The following MAEA variants were observed in gnomAD, a reference collection of about 807,000 sequenced individuals.
The protein encoded by MAEA is macrophage erythroblast attacher, E3 ubiquitin ligase.
In MAEA, 22 loss-of-function variants were observed where a neutral mutation model predicts 46.2. That is an observed-to-expected ratio of 0.48 (90% CI 0.34 to 0.68). MAEA has a LOEUF of 0.68. MAEA is among the 30% of genes least tolerant of loss of function. The probability of loss-of-function intolerance (pLI) is 0.01; values close to 1 mark genes in which losing one functional copy is unlikely to be tolerated. For synonymous variants in MAEA, 246 were observed against 222.6 expected, an observed-to-expected ratio of 1.11 and a Z score of -0.94; for missense variants, 393 against 558.1, an observed-to-expected ratio of 0.70 and a Z score of 2.98.
intron 5 of MAEA, 140 bp from the exon 6 acceptor site, chr4:1,332,617 T>G: frequency 1.7e-6 from 1 of 599,934 alleles, no homozygotes; most frequent in South Asian, 2.0e-5. Flanking sequence ...CTCGGGAAGA[T>G]CGCCTGAGCC....
chr4:1,325,121 G>T (rs997252354), intron 4 of MAEA, among the ~76,000 whole-genome samples: 1 of 152,190 alleles, frequency 6.6e-6, no homozygotes, highest in African/African-American at 2.4e-5. Flanking sequence ...GCACGCCAGG[G>T]GGTGTGTGGG....
chr4:1,313,453 G>T (rs540032979), intron 2 of MAEA, among the ~76,000 whole-genome samples: 88 of 152,294 alleles, frequency 5.8e-4, no homozygotes, highest in African/African-American at 2.1e-3. Flanking sequence ...AAGCAGGCTG[G>T]GCGCGGTGGC....
intron 7 of MAEA, chr4:1,337,957 T>G: frequency 5.8e-6 from 1 of 173,374 alleles, no homozygotes; most frequent in Non-Finnish European, 1.3e-5. Context: ...CAGTGAGTGT[T>G]TCGCGATTGC....
intron 3 of MAEA, among the ~76,000 whole-genome samples, chr4:1,320,180 GC>G (rs2108947624): frequency 1.0e-5 from 1 of 96,538 alleles, no homozygotes; most frequent in African/African-American, 5.1e-5. Context: ...CTATGAAGGG[GC>G]TTCAGAAATC....
At chr4:1,312,422 G>GGTTTT (rs1736626469) in intron 2 of MAEA, 1 of 224,874 alleles carries the variant, frequency 4.4e-6, no homozygotes, top group African/African-American at 5.7e-5. Context: ...CAGGTTGATT[G>GGTTTT]ATTTTTTTTT....
At chr4:1,318,565 G>A (rs1737615307) in intron 3 of MAEA, among the ~76,000 whole-genome samples, 1 of 152,112 alleles carries the variant, frequency 6.6e-6, no homozygotes, top group Admixed American at 6.5e-5. Flanking sequence ...AGCCCATGAG[G>A]ACTGGGTTGC....
At chr4:1,303,206 G>T (rs1735494087) in intron 1 of MAEA, among the ~76,000 whole-genome samples, 2 of 129,750 alleles carry the variant, frequency 1.5e-5, no homozygotes, top group Admixed American at 1.8e-4. Flanking sequence ...GGCCAACATG[G>T]TGAAACCCCG....
intron 2 of MAEA, chr4:1,312,553 A>T (rs1437136747): frequency 1.7e-5 from 3 of 179,810 alleles, no homozygotes; most frequent in Non-Finnish European, 3.4e-5. Context: ...CCTCAGCCTC[A>T]CGAGTAGCTG....
chr4:1,290,907 T>C (rs4974585), intron 1 of MAEA, among the ~76,000 whole-genome samples: 22,993 of 152,190 alleles, frequency 0.15, 3,326 homozygotes, highest in East Asian at 0.42. Flanking sequence ...GAATCAGGCT[T>C]CTCTGTATTC....
intron 7 of MAEA, chr4:1,337,455 C>T: frequency 4.6e-6 from 1 of 215,834 alleles, no homozygotes; most frequent in East Asian, 1.6e-4. Context: ...CTCTGTCCCA[C>T]CTGCGACTCA....
chr4:1,328,456 A>G (rs1002051666), intron 5 of MAEA, among the ~76,000 whole-genome samples: 2 of 152,088 alleles, frequency 1.3e-5, no homozygotes, highest in Non-Finnish European at 2.9e-5. Context: ...CGTCTCACTC[A>G]CTTTCATGGA....
At chr4:1,330,590 C>A (rs895493816) in intron 5 of MAEA, 1 of 152,134 alleles carries the variant, frequency 6.6e-6, no homozygotes, top group Non-Finnish European at 1.5e-5. Context: ...GCTGGGATTA[C>A]AGGCGTGAGC....
At chr4:1,322,781 G>A (rs1738293555) in intron 4 of MAEA, among the ~76,000 whole-genome samples, 1 of 152,126 alleles carries the variant, frequency 6.6e-6, no homozygotes, top group Admixed American at 6.5e-5. Context: ...AGAGTGTTGG[G>A]GCTGCTGGGC....
At chr4:1,307,705 G>T (rs1193742282) in intron 1 of MAEA, among the ~76,000 whole-genome samples, 2 of 152,148 alleles carry the variant, frequency 1.3e-5, no homozygotes, top group Admixed American at 1.3e-4. Flanking sequence ...TGAGAACCCT[G>T]GGGGGATGCT....
rs949820055 is a variant in MAEA at position 1,309,197 on chromosome 4, C to T, written c.70-2782C>T. Among the ~76,000 whole-genome samples the T allele has an allele frequency of 2.0e-5, 3 of 152,218 alleles. No homozygotes were observed. The East Asian group carries it at 5.8e-4, about 29-fold the overall frequency. On this transcript the variant is annotated intron_variant, in intron 1 of 8. Coordinates refer to ENST00000303400, the MANE Select transcript of MAEA (RefSeq NM_001017405.3). ...TTTCTGCCAGGAAGGTTTGTGTGTG[C>T]TCAGCTTTCAGCCCTTGCGTATCTG...
At chr4:1,302,643 C>G (rs972803309) in intron 1 of MAEA, among the ~76,000 whole-genome samples, 3 of 152,136 alleles carry the variant, frequency 2.0e-5, no homozygotes, top group Non-Finnish European at 2.9e-5. Flanking sequence ...CCATGCCCGG[C>G]TAATTTTTTT....
chr4:1,313,688 C>G (rs1442694741), intron 2 of MAEA, among the ~76,000 whole-genome samples: 1 of 151,902 alleles, frequency 6.6e-6, no homozygotes, highest in South Asian at 2.1e-4. Flanking sequence ...GATCATGCCA[C>G]TGCACTCTAG....
chr4:1,309,618 C>A (rs1253340242), intron 1 of MAEA: 1 of 1,522,048 alleles, frequency 6.6e-7, no homozygotes, highest in South Asian at 1.2e-5. Flanking sequence ...TGCGCAGAGG[C>A]GTGGGAGGCC....
chr4:1,294,094 C>G (rs1419027384), intron 1 of MAEA, among the ~76,000 whole-genome samples: 1 of 152,218 alleles, frequency 6.6e-6, no homozygotes, highest in Non-Finnish European at 1.5e-5. Flanking sequence ...CTGTGGCCGG[C>G]TTTTTCGATG....
Sources: allele counts gnomAD v4.1 joint callset (sites outside exome capture counted in the v4.1 genomes callset), GRCh38; gene constraint gnomAD v4.1.1; transcripts MANE v1.5; gene names NCBI Gene and HGNC (gene_info 2026-07-23, HGNC 2026-07-21).